EPC2: variants seen among roughly 807,000 people sequenced by gnomAD.
EPC2 encodes the protein enhancer of polycomb 2.
In EPC2, 14 loss-of-function variants were observed where a neutral mutation model predicts 92.1. The ratio of observed to expected loss-of-function variants is 0.15; its 90% CI spans 0.10 to 0.24. The LOEUF (loss-of-function observed/expected upper bound fraction) is 0.24. EPC2 is among the 10% of genes least tolerant of loss of function. EPC2 has a pLI of 1.00. For missense variants in EPC2, 755 were observed against 971.5 expected (o/e 0.78, Z 2.96); for synonymous variants, 340 against 334.7 (o/e 1.02, Z -0.17).
intron 2 of EPC2, among the ~76,000 whole-genome samples, chr2:148,734,539 A>G (rs1384575442): frequency 6.6e-6 from 1 of 152,150 alleles, no homozygotes. Context: ...AAATTAGAGG[A>G]TAGTCTTGAT....
chr2:148,682,608 C>A (rs754187821), intron 1 of EPC2, among the ~76,000 whole-genome samples: 1 of 152,030 alleles, frequency 6.6e-6, no homozygotes, highest in African/African-American at 2.4e-5. Context: ...TACTCATATA[C>A]CTCAGTTTTG....
In EPC2 at chr2:148,657,456, C is replaced by A. The variant is rs368163041; in HGVS notation, c.153+12286C>A. Among the ~76,000 whole-genome samples the A allele has an allele frequency of 9.9e-5, 15 of 152,152 alleles. No individual in the cohort carries two copies. The South Asian group carries it at 3.1e-3, about 32-fold the overall frequency. ...GCATGCTTCAGAATCACCTAGAGGG[C>A]CTGTTAAAACAGAGATCAGTGGGTC... On this transcript the variant is annotated intron_variant, in intron 1 of 13. Coordinates refer to ENST00000258484, the MANE Select transcript of EPC2 (RefSeq NM_015630.4).
chr2:148,718,566 G>A (rs921876949), intron 2 of EPC2, among the ~76,000 whole-genome samples: 3 of 152,104 alleles, frequency 2.0e-5, no homozygotes, highest in Non-Finnish European at 4.4e-5. Flanking sequence ...ATATTGACCC[G>A]CAGTCTCTTC....
intron 2 of EPC2, among the ~76,000 whole-genome samples, chr2:148,694,848 T>C (rs1369025745): frequency 6.6e-6 from 1 of 152,136 alleles, no homozygotes; most frequent in Non-Finnish European, 1.5e-5. Context: ...CACCACAACC[T>C]TCCTCACCGC....
rs138381112 is a variant in EPC2 at position 148,747,919 on chromosome 2, G to T, written c.459+4152G>T. 5.1e-3 allele frequency among the ~76,000 whole-genome samples: 780 copies of T among 152,070 alleles called. 9 individuals are homozygous for T. The highest frequency in any genetic ancestry group is 0.018 in the African/African-American group (745 of 41,478). On this transcript the variant is annotated intron_variant, in intron 3 of 13. Coordinates refer to ENST00000258484, the MANE Select transcript of EPC2 (RefSeq NM_015630.4). ...AAGTATTTCAAATTTAACATCTCCAGACCTCCTTTGCCTCCCCCAGTTTTG... is the reference window on the plus strand; with the variant it reads ...AAGTATTTCAAATTTAACATCTCCATACCTCCTTTGCCTCCCCCAGTTTTG...
intron 2 of EPC2, among the ~76,000 whole-genome samples, chr2:148,702,802 A>G (rs1452473207): frequency 6.6e-6 from 1 of 151,590 alleles, no homozygotes; most frequent in Admixed American, 6.6e-5. Context: ...CAATTCGTAA[A>G]CTTTCTTAAA....
At chr2:148,771,940 A>G (rs1683530436) in intron 10 of EPC2, among the ~76,000 whole-genome samples, 1 of 152,024 alleles carries the variant, frequency 6.6e-6, no homozygotes, top group Non-Finnish European at 1.5e-5. Context: ...CTGGGACTAC[A>G]GGCGTGCACC....
intron 1 of EPC2, among the ~76,000 whole-genome samples, chr2:148,673,866 G>A (rs777537178): frequency 6.6e-6 from 1 of 152,174 alleles, no homozygotes; most frequent in East Asian, 1.9e-4. Context: ...GATTACAGGC[G>A]TGAGCCACCA....
intron 1 of EPC2, among the ~76,000 whole-genome samples, chr2:148,687,382 T>C (rs1184515332): frequency 6.6e-6 from 1 of 152,152 alleles, no homozygotes. Context: ...TGCTTCGTTA[T>C]TATTTGTGTG....
At chr2:148,710,645 C>T (rs1682118659) in intron 2 of EPC2, among the ~76,000 whole-genome samples, 1 of 152,052 alleles carries the variant, frequency 6.6e-6, no homozygotes, top group Non-Finnish European at 1.5e-5. Context: ...GGCACATATA[C>T]ACCATGGAAT....
At chr2:148,677,880 C>T (rs984421540) in intron 1 of EPC2, among the ~76,000 whole-genome samples, 3 of 152,098 alleles carry the variant, frequency 2.0e-5, no homozygotes, top group Non-Finnish European at 2.9e-5. Flanking sequence ...CAGACCTTCA[C>T]GGTGAGTGTT....
At chr2:148,671,785 A>G (rs1681159933) in intron 1 of EPC2, among the ~76,000 whole-genome samples, 1 of 152,032 alleles carries the variant, frequency 6.6e-6, no homozygotes, top group Non-Finnish European at 1.5e-5. Flanking sequence ...ACAAAAATTC[A>G]GCTTATTCTA....
At chr2:148,734,593 T>C (rs182947147) in intron 2 of EPC2, among the ~76,000 whole-genome samples, 69 of 152,288 alleles carry the variant, frequency 4.5e-4, no homozygotes, top group African/African-American at 1.5e-3. Flanking sequence ...TAATAATTGC[T>C]TGCCTTTATT....
At chr2:148,686,896 T>C (rs1666543801) in intron 1 of EPC2, among the ~76,000 whole-genome samples, 1 of 152,208 alleles carries the variant, frequency 6.6e-6, no homozygotes, top group Non-Finnish European at 1.5e-5. Flanking sequence ...TAAATGAGCA[T>C]TGACTACAAT....
intron 1 of EPC2, among the ~76,000 whole-genome samples, chr2:148,669,692 A>G (rs1681117041): frequency 6.6e-6 from 1 of 152,154 alleles, no homozygotes; most frequent in South Asian, 2.1e-4. Flanking sequence ...TCGTAGCAAG[A>G]CTGGAAAAAC....
At chr2:148,707,085 G>A (rs1682016979) in intron 2 of EPC2, among the ~76,000 whole-genome samples, 1 of 152,162 alleles carries the variant, frequency 6.6e-6, no homozygotes, top group African/African-American at 2.4e-5. Context: ...CCATCAGTGT[G>A]CTGTATTCAG....
At position 148,646,238 on chromosome 2, in the gene EPC2, G is replaced by A. The variant is rs116531601; in HGVS notation, c.153+1068G>A. On this transcript the variant is annotated intron_variant, in intron 1 of 13. Coordinates refer to ENST00000258484, the MANE Select transcript of EPC2 (RefSeq NM_015630.4). ...TGTCAAAAGGAAGCTCGAGGTTTCA[G>A]TGATTGGTTTTCTCTTTTGACTATT... Among the ~76,000 whole-genome samples, 312 of 152,308 alleles carry A rather than the reference G, an allele frequency of 2.0e-3. 1 individual carries two copies. The highest frequency in any genetic ancestry group is 7.2e-3 in the African/African-American group (299 of 41,564).
intron 4 of EPC2, among the ~76,000 whole-genome samples, chr2:148,755,882 A>G (rs1683179812): frequency 6.6e-6 from 1 of 152,184 alleles, no homozygotes. Flanking sequence ...GTGAGCCACC[A>G]CATCCAACCT....
intron 7 of EPC2, among the ~76,000 whole-genome samples, chr2:148,766,570 T>C (rs1683413440): frequency 1.3e-5 from 2 of 152,178 alleles, no homozygotes; most frequent in Non-Finnish European, 2.9e-5. Context: ...GAATGAGGGA[T>C]ATAGTGCCCT....
Sources: gnomAD v4.1 joint callset for allele counts (sites outside exome capture counted in the v4.1 genomes callset) on GRCh38, gnomAD v4.1.1 for gene constraint, MANE v1.5 for transcripts, NCBI Gene and HGNC (gene_info 2026-07-23, HGNC 2026-07-21) for gene names.